The following TAFA1 variants were observed in gnomAD, a reference collection of about 807,000 sequenced individuals.
The protein encoded by TAFA1 is chemokine-like protein TAFA-1.
TAFA1 carries 4 observed loss-of-function variants against 18.5 expected under a neutral mutation model. The ratio of observed to expected loss-of-function variants is 0.22; its 90% CI spans 0.11 to 0.49. The LOEUF is 0.49. TAFA1 is among the 20% of genes least tolerant of loss of function. The pLI is 0.98. For missense variants in TAFA1, 147 were observed against 169.0 expected, an observed-to-expected ratio of 0.87 and a Z score of 0.72; for synonymous variants, 56 against 55.2, an observed-to-expected ratio of 1.01 and a Z score of -0.06.
intron 1 of TAFA1, 115 bp downstream of exon 1, chr3:68,004,817 A>T (rs1030783827): frequency 3.3e-5 from 5 of 152,162 alleles, no homozygotes; most frequent in African/African-American, 1.2e-4. Flanking sequence ...GCTTAATAAC[A>T]TTGAGACAAC....
At chr3:68,519,713 T>C (rs1401709533) in intron 3 of TAFA1, among the ~76,000 whole-genome samples, 1 of 152,142 alleles carries the variant, frequency 6.6e-6, no homozygotes, top group African/African-American at 2.4e-5. Context: ...TGGCTTCTAA[T>C]TGTATCCTCA....
chr3:68,434,154 C>T (rs2071230189), intron 3 of TAFA1, among the ~76,000 whole-genome samples: 1 of 152,108 alleles, frequency 6.6e-6, no homozygotes, highest in Admixed American at 6.6e-5. Flanking sequence ...GTGAACTCTT[C>T]TAAGCATTTG....
At chr3:68,333,538 GA>G in intron 2 of TAFA1, among the ~76,000 whole-genome samples, 1 of 152,108 alleles carries the variant, frequency 6.6e-6, no homozygotes, top group African/African-American at 2.4e-5. Context: ...CTACCTGGGT[GA>G]TGAAATAATC....
chr3:68,301,642 G>T (rs1183127667), intron 2 of TAFA1, among the ~76,000 whole-genome samples: 1 of 151,708 alleles, frequency 6.6e-6, no homozygotes, highest in Non-Finnish European at 1.5e-5. Flanking sequence ...CTGAAAAGAT[G>T]GATTTTTTTT....
At chr3:68,280,028 A>T (rs2107253936) in intron 2 of TAFA1, among the ~76,000 whole-genome samples, 1 of 152,282 alleles carries the variant, frequency 6.6e-6, no homozygotes, top group Non-Finnish European at 1.5e-5. Flanking sequence ...TTCCCAAATT[A>T]TCATTTCTAT....
chr3:68,050,904 G>T (rs2064463440), intron 2 of TAFA1, among the ~76,000 whole-genome samples: 1 of 152,150 alleles, frequency 6.6e-6, no homozygotes, highest in South Asian at 2.1e-4. Context: ...GGCTGGATTT[G>T]ACCCACCAGC....
intron 2 of TAFA1, among the ~76,000 whole-genome samples, chr3:68,024,826 CACACACAA>C (rs1362513019): frequency 1.3e-5 from 2 of 151,940 alleles, no homozygotes; most frequent in South Asian, 2.1e-4. Context: ...CACACACACA[CACACACAA>C]TTATACATTG....
At chr3:68,329,631 C>G (rs937136698) in intron 2 of TAFA1, among the ~76,000 whole-genome samples, 1 of 152,198 alleles carries the variant, frequency 6.6e-6, no homozygotes, top group African/African-American at 2.4e-5. Context: ...TGCCCACAGT[C>G]TCATATGTTG....
chr3:68,507,951 C>T (rs1277932221), intron 3 of TAFA1, among the ~76,000 whole-genome samples: 4 of 152,228 alleles, frequency 2.6e-5, no homozygotes, highest in South Asian at 4.1e-4. Context: ...AATCTAAACA[C>T]GTGTATTTGC....
At chr3:68,393,378 G>GAAAAA (rs201653683) in intron 2 of TAFA1, among the ~76,000 whole-genome samples, 4 of 130,320 alleles carry the variant, frequency 3.1e-5, no homozygotes, top group Non-Finnish European at 5.0e-5. Flanking sequence ...CCTACCAATG[G>GAAAAA]AAAAAAAAAA....
intron 3 of TAFA1, among the ~76,000 whole-genome samples, chr3:68,493,131 AAAC>A (rs1236942947): frequency 6.6e-6 from 1 of 152,112 alleles, no homozygotes; most frequent in Non-Finnish European, 1.5e-5. Context: ...CATACTTTTT[AAAC>A]AACAACTCCC....
chr3:68,078,639 C>G (rs962276096), intron 2 of TAFA1, among the ~76,000 whole-genome samples: 20 of 152,088 alleles, frequency 1.3e-4, no homozygotes, highest in African/African-American at 4.3e-4. Context: ...ATTGAACCAG[C>G]CTTGCATCCC....
chr3:68,042,200 GTATT>G (rs1287057254), intron 2 of TAFA1, among the ~76,000 whole-genome samples: 5 of 151,934 alleles, frequency 3.3e-5, no homozygotes, highest in Non-Finnish European at 7.4e-5. Context: ...GTAGGGTACT[GTATT>G]TATAGACATA....
At chr3:68,516,501 C>T (rs1458456513) in intron 3 of TAFA1, among the ~76,000 whole-genome samples, 2 of 152,022 alleles carry the variant, frequency 1.3e-5, no homozygotes, top group African/African-American at 4.8e-5. Flanking sequence ...TTATAGTTTC[C>T]TTTGTGTATA....
chr3:68,101,383 T>C (rs1221323552), intron 2 of TAFA1, among the ~76,000 whole-genome samples: 1 of 152,152 alleles, frequency 6.6e-6, no homozygotes, highest in Non-Finnish European at 1.5e-5. Flanking sequence ...ACATGTGCCA[T>C]GTTGGTGTGC....
chr3:68,402,230 T>G (rs1400574568), intron 2 of TAFA1, among the ~76,000 whole-genome samples: 1 of 152,102 alleles, frequency 6.6e-6, no homozygotes, highest in Non-Finnish European at 1.5e-5. Context: ...CGGTGCTCAT[T>G]GATTCATGCA....
At chr3:68,244,502 A>T (rs753376912) in intron 2 of TAFA1, among the ~76,000 whole-genome samples, 12 of 152,172 alleles carry the variant, frequency 7.9e-5, no homozygotes, top group Admixed American at 1.3e-4. Flanking sequence ...CCATTTGTTA[A>T]AAAGATTATG....
At chr3:68,474,218 A>T (rs1008927242) in intron 3 of TAFA1, among the ~76,000 whole-genome samples, 15 of 152,158 alleles carry the variant, frequency 9.9e-5, no homozygotes. Context: ...AGTAAATCAA[A>T]GTTACTAAGA....
chr3:68,532,299 G>T (rs2106776718), intron 3 of TAFA1, among the ~76,000 whole-genome samples: 1 of 152,328 alleles, frequency 6.6e-6, no homozygotes, highest in Non-Finnish European at 1.5e-5. Flanking sequence ...ACCTGGCAAA[G>T]AAAGGCTGCC....
Sources: gnomAD v4.1 joint callset for allele counts (sites outside exome capture counted in the v4.1 genomes callset) on GRCh38, gnomAD v4.1.1 for gene constraint, MANE v1.5 for transcripts, NCBI Gene and HGNC (gene_info 2026-07-23, HGNC 2026-07-21) for gene names.